The following TENM3 variants were observed in gnomAD, a reference collection of about 807,000 sequenced individuals.
TENM3 encodes the protein teneurin-3.
TENM3 carries 63 observed loss-of-function variants against 255.1 expected under a neutral mutation model. The ratio of observed to expected loss-of-function variants is 0.25; its 90% CI spans 0.20 to 0.30. The LOEUF is 0.30. Ranked by LOEUF, TENM3 falls within the 10% of genes least tolerant of loss-of-function variation. The pLI, the probability that TENM3 is intolerant of heterozygous loss-of-function variation, is 1.00. For missense variants in TENM3, 2,929 were observed against 3,461.1 expected (o/e 0.85, Z 3.86); for synonymous variants, 1,306 against 1,322.3 (o/e 0.99, Z 0.27).
the TENM3 span, among the ~76,000 whole-genome samples, chr4:181,529,431 A>G: frequency 6.6e-6 from 1 of 152,218 alleles, no homozygotes; most frequent in Non-Finnish European, 1.5e-5. Context: ...TTCAGTAAGA[A>G]GGATTAACTT....
At chr4:181,473,798 C>T in the TENM3 span, among the ~76,000 whole-genome samples, 1 of 147,950 alleles carries the variant, frequency 6.8e-6, no homozygotes, top group African/African-American at 2.5e-5. Context: ...TGTGTACCCA[C>T]ATATATGTAT....
At chr4:182,646,865 G>C (rs755118996) in intron 5 of TENM3, among the ~76,000 whole-genome samples, 1 of 152,186 alleles carries the variant, frequency 6.6e-6, no homozygotes, top group Admixed American at 6.5e-5. Flanking sequence ...AGTGTGTGCT[G>C]AGGAAGTATG....
chr4:182,440,735 C>T (rs1388639999), intron 3 of TENM3, among the ~76,000 whole-genome samples: 3 of 151,936 alleles, frequency 2.0e-5, no homozygotes, highest in Non-Finnish European at 2.9e-5. Flanking sequence ...TATGAAAGGT[C>T]CTTATTGAGA....
chr4:182,750,312 C>T (rs1007488050), intron 19 of TENM3, among the ~76,000 whole-genome samples: 6 of 152,112 alleles, frequency 3.9e-5, no homozygotes, highest in African/African-American at 1.4e-4. Flanking sequence ...GAAAGGAGAT[C>T]CCAAAGCTGA....
chr4:182,530,286 C>T (rs958861548), intron 3 of TENM3, among the ~76,000 whole-genome samples: 4 of 152,158 alleles, frequency 2.6e-5, no homozygotes, highest in African/African-American at 9.6e-5. Flanking sequence ...CAACAGGCTG[C>T]CTCTCCAAAG....
intron 22 of TENM3, among the ~76,000 whole-genome samples, chr4:182,760,989 G>T (rs969193999): frequency 1.2e-4 from 13 of 108,950 alleles, no homozygotes; most frequent in Non-Finnish European, 2.4e-4. Flanking sequence ...AATTAGAAAA[G>T]ATATCATTAA....
chr4:182,056,853 G>A, the TENM3 span, among the ~76,000 whole-genome samples: 1 of 151,956 alleles, frequency 6.6e-6, no homozygotes, highest in Non-Finnish European at 1.5e-5. Context: ...AGCTGGGGAG[G>A]AAGAATAGGA....
At chr4:181,633,727 A>C in the TENM3 span, among the ~76,000 whole-genome samples, 3 of 152,162 alleles carry the variant, frequency 2.0e-5, no homozygotes, top group South Asian at 6.2e-4. Flanking sequence ...TTTTTCTCAA[A>C]AGATTCCAAA....
the TENM3 span, among the ~76,000 whole-genome samples, chr4:181,557,717 G>C: frequency 1.3e-5 from 2 of 151,710 alleles, no homozygotes; most frequent in African/African-American, 4.9e-5. Context: ...TTTTAGTAGA[G>C]ACAGGGTTTT....
chr4:181,564,030 TTTCTTTTTTC>T, the TENM3 span, among the ~76,000 whole-genome samples: 39 of 130,604 alleles, frequency 3.0e-4, 2 homozygotes, highest in African/African-American at 7.6e-4. Context: ...TTTCTTTTCT[TTTCTTTTTTC>T]TTTTTTTTTT....
At chr4:182,589,993 C>T (rs564486166) in intron 3 of TENM3, among the ~76,000 whole-genome samples, 1 of 152,026 alleles carries the variant, frequency 6.6e-6, no homozygotes, top group South Asian at 2.1e-4. Context: ...AAAACAAAAA[C>T]AAAAAACGTT....
chr4:182,590,263 G>A (rs747792206), intron 3 of TENM3, among the ~76,000 whole-genome samples: 8 of 152,108 alleles, frequency 5.3e-5, no homozygotes, highest in South Asian at 2.1e-4. Context: ...GAATGAGGGC[G>A]TGACACTTCA....
the TENM3 span, among the ~76,000 whole-genome samples, chr4:181,675,739 G>A: frequency 2.0e-5 from 3 of 152,056 alleles, no homozygotes; most frequent in Non-Finnish European, 2.9e-5. Context: ...GTTGCCGCAC[G>A]AGGGGTAAAC....
intron 3 of TENM3, among the ~76,000 whole-genome samples, chr4:182,505,897 G>T (rs140563071): frequency 6.6e-6 from 1 of 152,190 alleles, no homozygotes; most frequent in Non-Finnish European, 1.5e-5. Context: ...AAAGAGACAG[G>T]CTTCGGATTT....
the TENM3 span, among the ~76,000 whole-genome samples, chr4:181,462,496 C>CT: frequency 6.6e-6 from 1 of 152,194 alleles, no homozygotes; most frequent in African/African-American, 2.4e-5. Flanking sequence ...TTCTTTATTT[C>CT]TTTTCTCTCA....
intron 2 of TENM3, among the ~76,000 whole-genome samples, chr4:182,335,761 A>C (rs1343079189): frequency 6.6e-6 from 1 of 152,190 alleles, no homozygotes; most frequent in Non-Finnish European, 1.5e-5. Flanking sequence ...CTACATTGGG[A>C]AATATGTTTA....
chr4:181,508,173 G>T, the TENM3 span, among the ~76,000 whole-genome samples: 1 of 152,204 alleles, frequency 6.6e-6, no homozygotes, highest in South Asian at 2.1e-4. Context: ...TCAGCTGGCA[G>T]AGTGGAGTTG....
At position 182,261,264 on chromosome 4, in the gene TENM3, G is replaced by A. The variant is rs376597862; in HGVS notation, c.-76+17788G>A. On this transcript the variant is annotated intron_variant, in intron 1 of 27. Transcript: ENST00000511685. ...TTCGAGACACTGATTTGGACACTCA[G>A]TGTTACAAGCTTGTGAGTTGTAATT... Among the ~76,000 whole-genome samples the A allele has an allele frequency of 2.6e-5, 4 of 152,316 alleles. No homozygotes were observed. In the East Asian group the frequency reaches 7.7e-4, roughly 29 times the overall value.
At chr4:182,399,518 G>C (rs1434836172) in intron 3 of TENM3, among the ~76,000 whole-genome samples, 1 of 152,162 alleles carries the variant, frequency 6.6e-6, no homozygotes, top group Non-Finnish European at 1.5e-5. Flanking sequence ...AATTAGCTAT[G>C]AGTTTTCTTG....
Sources: gnomAD v4.1 joint callset for allele counts (sites outside exome capture counted in the v4.1 genomes callset) on GRCh38, gnomAD v4.1.1 for gene constraint, MANE v1.5 for transcripts, NCBI Gene and HGNC (gene_info 2026-07-23, HGNC 2026-07-21) for gene names.